PDSS2: variants seen among roughly 807,000 people sequenced by gnomAD.
The protein encoded by PDSS2 is all trans-polyprenyl-diphosphate synthase PDSS2.
Under a neutral mutation model 44.5 loss-of-function variants are expected in PDSS2, and 31 were observed. The observed-to-expected ratio is 0.70, with a 90% CI of 0.52 to 0.94. The LOEUF is 0.94. Among genes scored for constraint, PDSS2 ranks in the 40% least tolerant of loss-of-function variants. The pLI is 0.00. For synonymous variants in PDSS2, 157 were observed against 180.3 expected, an observed-to-expected ratio of 0.87 and a Z score of 1.03; for missense variants, 452 against 482.2, an observed-to-expected ratio of 0.94 and a Z score of 0.59.
At chr6:107,338,329 T>C (rs928256859) in intron 1 of PDSS2, among the ~76,000 whole-genome samples, 5 of 152,262 alleles carry the variant, frequency 3.3e-5, no homozygotes, top group Non-Finnish European at 5.9e-5. Flanking sequence ...AACCAGAAAA[T>C]GGTGAAATCA....
In PDSS2 at chr6:107,154,598, T is replaced by C. The variant is rs905410979; in HGVS notation, c.*21A>G. ...CCTAGGATTTTCAGCTAACTAACAATAGTGTCTTTTTAATTTGATGTCATG... is the reference window on the plus strand; with the variant it reads ...CCTAGGATTTTCAGCTAACTAACAACAGTGTCTTTTTAATTTGATGTCATG... On this transcript the variant is annotated 3_prime_UTR_variant, in exon 8 of 8. Transcript: ENST00000369037. 3.7e-6 allele frequency: 6 copies of C among 1,612,200 alleles called. No homozygotes were observed. The highest frequency in any genetic ancestry group is 1.3e-5 in the African/African-American group (1 of 74,912).
At chr6:107,324,755 A>C (rs1777485873) in intron 2 of PDSS2, among the ~76,000 whole-genome samples, 1 of 152,144 alleles carries the variant, frequency 6.6e-6, no homozygotes, top group African/African-American at 2.4e-5. Flanking sequence ...TATATAATTG[A>C]CCCTAAATAA....
intron 1 of PDSS2, among the ~76,000 whole-genome samples, chr6:107,429,925 T>TATATATATATATATATATATATATAC (rs1781137831): frequency 9.4e-6 from 1 of 106,926 alleles, no homozygotes; most frequent in Non-Finnish European, 1.8e-5. Context: ...TATATATATA[T>TATATATATATATATATATATATATAC]ATATATATAT....
intron 6 of PDSS2, among the ~76,000 whole-genome samples, chr6:107,203,459 C>T (rs966138490): frequency 6.6e-6 from 1 of 152,078 alleles, no homozygotes; most frequent in Admixed American, 6.6e-5. Context: ...TTTCCAAAAA[C>T]TTCTTAATTG....
chr6:107,157,622 G>A (rs575379307), intron 7 of PDSS2, among the ~76,000 whole-genome samples: 27 of 151,984 alleles, frequency 1.8e-4, no homozygotes, highest in African/African-American at 6.5e-4. Context: ...TCTTCCTCTG[G>A]GTACCTGGAG....
chr6:107,403,407 A>G (rs1328292862), intron 1 of PDSS2, among the ~76,000 whole-genome samples: 1 of 152,122 alleles, frequency 6.6e-6, no homozygotes. Context: ...CAGCTTTTCC[A>G]GGCACATGGT....
intron 1 of PDSS2, among the ~76,000 whole-genome samples, chr6:107,402,546 TATATATAAAAATATATATAC>T (rs1780176248): frequency 4.2e-5 from 1 of 23,878 alleles, no homozygotes; most frequent in Non-Finnish European, 1.1e-4. Context: ...TATATATATA[TATATATAAAAATATATATAC>T]ATGTGTATAT....
At chr6:107,176,967 A>G (rs1383664490) in intron 7 of PDSS2, among the ~76,000 whole-genome samples, 2 of 152,050 alleles carry the variant, frequency 1.3e-5, no homozygotes, top group Non-Finnish European at 2.9e-5. Context: ...TGGATGACAG[A>G]GTGAGACCCT....
At chr6:107,333,415 ATT>A (rs1239674212) in intron 2 of PDSS2, among the ~76,000 whole-genome samples, 2 of 152,212 alleles carry the variant, frequency 1.3e-5, no homozygotes, top group African/African-American at 4.8e-5. Flanking sequence ...ATACTTACAA[ATT>A]TGTTTTTTAA....
intron 1 of PDSS2, among the ~76,000 whole-genome samples, chr6:107,378,121 G>A (rs1177516219): frequency 6.7e-6 from 1 of 148,398 alleles, no homozygotes; most frequent in African/African-American, 2.5e-5. Flanking sequence ...ACTGGTAAAA[G>A]AAGGAAGCTT....
chr6:107,384,657 C>T (rs2448081), intron 1 of PDSS2, among the ~76,000 whole-genome samples: 1 of 150,242 alleles, frequency 6.7e-6, no homozygotes, highest in Admixed American at 6.6e-5. Flanking sequence ...CAAAAAAAAA[C>T]ACAAAAAAAC....
intron 1 of PDSS2, among the ~76,000 whole-genome samples, chr6:107,340,901 T>C (rs1240174880): frequency 2.0e-5 from 3 of 152,144 alleles, no homozygotes; most frequent in African/African-American, 7.2e-5. Flanking sequence ...GTAAAACAAG[T>C]CCAGGAAAAC....
intron 6 of PDSS2, among the ~76,000 whole-genome samples, chr6:107,196,093 T>C (rs1159991737): frequency 6.6e-6 from 1 of 152,230 alleles, no homozygotes; most frequent in Non-Finnish European, 1.5e-5. Flanking sequence ...CTGAGATGCA[T>C]TGTACCAACA....
In PDSS2 at chr6:107,377,600, G is replaced by A. The variant is rs1483835278; in HGVS notation, c.297-43268C>T. Reference sequence around the variant, plus strand: ...ACACACGCACACATATGTTTATTGCGGCACTATTCACAATAGCAAAGACTT... The same window carrying A: ...ACACACGCACACATATGTTTATTGCAGCACTATTCACAATAGCAAAGACTT... On this transcript the variant is annotated intron_variant, in intron 1 of 7. Transcript: ENST00000369037. Among the ~76,000 whole-genome samples, 13 of 152,012 alleles carry A rather than the reference G, an allele frequency of 8.6e-5. No homozygotes were observed. The South Asian group carries it at 1.0e-3, about 12-fold the overall frequency.
intron 6 of PDSS2, among the ~76,000 whole-genome samples, chr6:107,210,120 G>T (rs1035091780): frequency 6.6e-6 from 1 of 152,068 alleles, no homozygotes; most frequent in Non-Finnish European, 1.5e-5. Context: ...CAGTTATAGG[G>T]TGGTGCTATT....
intron 2 of PDSS2, among the ~76,000 whole-genome samples, chr6:107,319,951 A>C (rs1777330214): frequency 6.6e-6 from 1 of 152,254 alleles, no homozygotes; most frequent in Non-Finnish European, 1.5e-5. Flanking sequence ...TGAATGGTAT[A>C]AAATTAAATA....
At chr6:107,345,356 A>G (rs191843616) in intron 1 of PDSS2, among the ~76,000 whole-genome samples, 7 of 149,070 alleles carry the variant, frequency 4.7e-5, no homozygotes, top group Non-Finnish European at 8.9e-5. Flanking sequence ...GTTTTTACCA[A>G]AAAGAATGTT....
At chr6:107,283,459 G>A (rs772695341) in intron 2 of PDSS2, among the ~76,000 whole-genome samples, 11 of 152,112 alleles carry the variant, frequency 7.2e-5, no homozygotes, top group Admixed American at 1.3e-4. Context: ...GGTGGCTCAC[G>A]CCTGTAATTC....
At chr6:107,393,550 T>G (rs912998529) in intron 1 of PDSS2, among the ~76,000 whole-genome samples, 1 of 152,158 alleles carries the variant, frequency 6.6e-6, no homozygotes, top group Non-Finnish European at 1.5e-5. Flanking sequence ...GTCTTCTAAA[T>G]CCCTATGAAT....
Sources: gnomAD v4.1 joint callset for allele counts (sites outside exome capture counted in the v4.1 genomes callset) on GRCh38, gnomAD v4.1.1 for gene constraint, MANE v1.5 for transcripts, NCBI Gene and HGNC (gene_info 2026-07-23, HGNC 2026-07-21) for gene names.